Variants in CNTNAP2 observed in about 807,000 individuals in gnomAD.
CNTNAP2 encodes the protein contactin-associated protein-like 2.
A neutral mutation model predicts 155.2 loss-of-function variants in CNTNAP2; 98 were observed. That is an observed-to-expected ratio of 0.63 (90% CI 0.54 to 0.75). The LOEUF (loss-of-function observed/expected upper bound fraction) is 0.75, where lower values mean the gene tolerates loss of function less well. CNTNAP2 is among the 30% of genes least tolerant of loss of function. The probability of loss-of-function intolerance (pLI) is 0.00; values close to 1 mark genes in which losing one functional copy is unlikely to be tolerated. For synonymous variants in CNTNAP2, 651 were observed against 631.2 expected (o/e 1.03, Z -0.47); for missense variants, 1,727 against 1,688.1 (o/e 1.02, Z -0.40).
At chr7:147,870,933 T>G (rs1315547929) in intron 13 of CNTNAP2, among the ~76,000 whole-genome samples, 2 of 151,944 alleles carry the variant, frequency 1.3e-5, no homozygotes, top group Non-Finnish European at 2.9e-5. Flanking sequence ...TAACCAAGCA[T>G]CTCCCCCTAC....
intron 14 of CNTNAP2, among the ~76,000 whole-genome samples, chr7:147,945,689 T>TTA (rs10557677): frequency 0.013 from 1,989 of 148,252 alleles, 10 homozygotes; most frequent in Middle Eastern, 0.022. Flanking sequence ...ACAAAAGCCT[T>TTA]TATATATATA....
At chr7:146,775,401 C>T (rs1206028382) in intron 2 of CNTNAP2, among the ~76,000 whole-genome samples, 3 of 151,898 alleles carry the variant, frequency 2.0e-5, no homozygotes, top group Non-Finnish European at 2.9e-5. Flanking sequence ...GTCAAAACAC[C>T]ATGTTGTATA....
At chr7:146,261,439 T>A (rs73740403) in intron 1 of CNTNAP2, among the ~76,000 whole-genome samples, 7,236 of 151,468 alleles carry the variant, frequency 0.048, 574 homozygotes, top group African/African-American at 0.16. Context: ...CAAATACACA[T>A]GCAATTATAA....
At chr7:148,022,097 C>CCT (rs1802288616) in intron 15 of CNTNAP2, among the ~76,000 whole-genome samples, 1 of 152,116 alleles carries the variant, frequency 6.6e-6, no homozygotes. Context: ...ATTTCCAAAG[C>CCT]CTCTGCCCCA....
intron 1 of CNTNAP2, among the ~76,000 whole-genome samples, chr7:146,616,111 A>G (rs998917119): frequency 1.3e-5 from 2 of 152,172 alleles, no homozygotes; most frequent in African/African-American, 4.8e-5. Context: ...GAGAATCTAG[A>G]AGGAAGAGCA....
chr7:146,675,395 G>A (rs879775361), intron 1 of CNTNAP2, among the ~76,000 whole-genome samples: 2 of 152,114 alleles, frequency 1.3e-5, no homozygotes, highest in Non-Finnish European at 2.9e-5. Flanking sequence ...TTAGGAGCAT[G>A]GGCTAGCAAT....
intron 11 of CNTNAP2, among the ~76,000 whole-genome samples, chr7:147,542,876 A>G (rs1799664994): frequency 6.6e-6 from 1 of 152,218 alleles, no homozygotes; most frequent in African/African-American, 2.4e-5. Context: ...TTGTATTTAA[A>G]TATTTCAATC....
chr7:148,146,775 T>A (rs559932249), intron 16 of CNTNAP2, among the ~76,000 whole-genome samples: 1 of 151,896 alleles, frequency 6.6e-6, no homozygotes, highest in Non-Finnish European at 1.5e-5. Flanking sequence ...AACAATAGGT[T>A]ACCCTCATTA....
At chr7:146,300,948 G>C (rs1423746724) in intron 1 of CNTNAP2, among the ~76,000 whole-genome samples, 1 of 152,146 alleles carries the variant, frequency 6.6e-6, no homozygotes, top group Non-Finnish European at 1.5e-5. Context: ...ATGCATGCTT[G>C]TATTTAAGTG....
At chr7:147,181,718 T>C (rs1036043017) in intron 8 of CNTNAP2, among the ~76,000 whole-genome samples, 37 of 152,220 alleles carry the variant, frequency 2.4e-4, no homozygotes, top group Non-Finnish European at 5.1e-4. Flanking sequence ...GGCTTTTTCA[T>C]ATTCAGTCCT....
intron 5 of CNTNAP2, among the ~76,000 whole-genome samples, chr7:147,111,018 T>A (rs1800867226): frequency 6.6e-6 from 1 of 152,194 alleles, no homozygotes. Context: ...CCTTTTTCTC[T>A]GCAGCATCAC....
At chr7:146,992,431 T>C (rs12375095) in intron 3 of CNTNAP2, among the ~76,000 whole-genome samples, 25,678 of 152,060 alleles carry the variant, frequency 0.17, 2,904 homozygotes, top group Non-Finnish European at 0.24. Flanking sequence ...ACAGACACTT[T>C]GAAGGGTGAG....
At chr7:147,361,060 A>G (rs1187747323) in intron 9 of CNTNAP2, among the ~76,000 whole-genome samples, 1 of 152,228 alleles carries the variant, frequency 6.6e-6, no homozygotes, top group Non-Finnish European at 1.5e-5. Context: ...GAAAGCCAAG[A>G]AAAGTCAAAG....
At chr7:146,569,048 G>C (rs919999123) in intron 1 of CNTNAP2, among the ~76,000 whole-genome samples, 1 of 150,704 alleles carries the variant, frequency 6.6e-6, no homozygotes, top group Non-Finnish European at 1.5e-5. Flanking sequence ...AAGGAGTCTC[G>C]CTCTGTCGCC....
chr7:146,552,826 T>C (rs1032478167), intron 1 of CNTNAP2, among the ~76,000 whole-genome samples: 1 of 152,064 alleles, frequency 6.6e-6, no homozygotes, highest in African/African-American at 2.4e-5. Flanking sequence ...ATACATGCAA[T>C]GCACTCAGCC....
chr7:147,951,014 C>CT (rs768357550), intron 14 of CNTNAP2, among the ~76,000 whole-genome samples: 20 of 152,350 alleles, frequency 1.3e-4, no homozygotes, highest in Non-Finnish European at 2.4e-4. Context: ...GCATCTGACT[C>CT]TAACTGCTTC....
At chr7:146,884,448 T>G (rs555042674) in intron 3 of CNTNAP2, among the ~76,000 whole-genome samples, 1 of 152,150 alleles carries the variant, frequency 6.6e-6, no homozygotes, top group South Asian at 2.1e-4. Flanking sequence ...ATACAGCTCC[T>G]TCTCTTCTTG....
At chr7:146,351,204 C>T (rs1794910281) in intron 1 of CNTNAP2, among the ~76,000 whole-genome samples, 1 of 151,484 alleles carries the variant, frequency 6.6e-6, no homozygotes, top group African/African-American at 2.4e-5. Flanking sequence ...AAAAAATTTT[C>T]ATGTGAACAG....
chr7:146,215,834 G>A (rs946728140), intron 1 of CNTNAP2, among the ~76,000 whole-genome samples: 1 of 152,104 alleles, frequency 6.6e-6, no homozygotes, highest in Non-Finnish European at 1.5e-5. Flanking sequence ...CTCTGCCGTC[G>A]GCTGATATCG....
Sources: allele counts gnomAD v4.1 joint callset (sites outside exome capture counted in the v4.1 genomes callset), GRCh38; gene constraint gnomAD v4.1.1; transcripts MANE v1.5; gene names NCBI Gene and HGNC (gene_info 2026-07-23, HGNC 2026-07-21).